ASTN2: variants seen among roughly 807,000 people sequenced by gnomAD.
ASTN2 encodes the protein astrotactin-2.
Under a neutral mutation model 139.8 loss-of-function variants are expected in ASTN2, and 54 were observed. The observed-to-expected ratio is 0.39, with a 90% CI of 0.31 to 0.48. The LOEUF (loss-of-function observed/expected upper bound fraction) is 0.48. ASTN2 is among the 20% of genes least tolerant of loss of function. The pLI is 0.95. For synonymous variants in ASTN2, 756 were observed against 719.5 expected (o/e 1.05, Z -0.81); for missense variants, 1,565 against 1,725.1 (o/e 0.91, Z 1.64).
intron 19 of ASTN2, among the ~76,000 whole-genome samples, chr9:116,576,787 G>C (rs1322804894): frequency 6.6e-6 from 1 of 152,100 alleles, no homozygotes; most frequent in African/African-American, 2.4e-5. Flanking sequence ...GTTCTGGCTT[G>C]ATCCCATAAT....
At chr9:116,691,913 G>C (rs1860587754) in intron 16 of ASTN2, among the ~76,000 whole-genome samples, 1 of 152,182 alleles carries the variant, frequency 6.6e-6, no homozygotes, top group Non-Finnish European at 1.5e-5. Flanking sequence ...GTCAAACCAG[G>C]GGAGCGTGTC....
chr9:116,704,228 T>G (rs910306956), intron 16 of ASTN2, among the ~76,000 whole-genome samples: 2 of 152,226 alleles, frequency 1.3e-5, no homozygotes, highest in Non-Finnish European at 2.9e-5. Context: ...CCCTTCTAGC[T>G]CTAAGATTTT....
Position 117,379,522 on chromosome 9 carries a change from C to T in ASTN2, c.442+34975G>A, listed in dbSNP as rs902084764. 7.2e-5 allele frequency among the ~76,000 whole-genome samples: 11 copies of T among 152,262 alleles called. No individual in the cohort carries two copies. In the East Asian group the frequency reaches 1.2e-3, roughly 16 times the overall value. The stretch of plus-strand genomic sequence containing the variant: ...CCCTTAATCCTTCCAGTTAAGCCTT[C>T]GAAGGCCTCCATTAGCAGTGTAAAT... On this transcript the variant is annotated intron_variant, in intron 1 of 22. Coordinates refer to ENST00000313400, the MANE Select transcript of ASTN2 (RefSeq NM_001365068.1).
At chr9:117,040,078 G>A in intron 5 of ASTN2, 113 bp from the exon 6 acceptor site, 3 of 1,266,016 alleles carry the variant, frequency 2.4e-6, no homozygotes, top group Admixed American at 2.9e-5. Context: ...AAAAAGAAAA[G>A]AAAAGAAAAA....
chr9:116,573,861 A>T (rs1853620431), intron 19 of ASTN2, among the ~76,000 whole-genome samples: 1 of 152,232 alleles, frequency 6.6e-6, no homozygotes, highest in South Asian at 2.1e-4. Context: ...TCCTGTGAGT[A>T]TGATTTTATA....
At chr9:116,437,474 C>T (rs1847694473) in intron 22 of ASTN2, 1 of 471,312 alleles carries the variant, frequency 2.1e-6, no homozygotes. Context: ...GACTGCCTGA[C>T]TAGGGGTTAG....
At chr9:117,351,279 C>T (rs572892832) in intron 1 of ASTN2, among the ~76,000 whole-genome samples, 26 of 152,302 alleles carry the variant, frequency 1.7e-4, no homozygotes, top group Middle Eastern at 3.4e-3. Flanking sequence ...AAAATTCAAA[C>T]GTCTAAGCAT....
At chr9:116,444,884 C>T (rs1281137252) in intron 20 of ASTN2, among the ~76,000 whole-genome samples, 1 of 152,140 alleles carries the variant, frequency 6.6e-6, no homozygotes, top group Non-Finnish European at 1.5e-5. Context: ...GGTAAGTTAT[C>T]ATTGGAAAGC....
At chr9:116,640,072 TTAATA>T (rs1177244938) in intron 17 of ASTN2, among the ~76,000 whole-genome samples, 14 of 152,140 alleles carry the variant, frequency 9.2e-5, no homozygotes, top group African/African-American at 3.4e-4. Flanking sequence ...ATATTTTGAC[TTAATA>T]TAAGAAAGGA....
chr9:116,442,377 T>A (rs1847865925), intron 21 of ASTN2, 76 bp downstream of exon 21: 2 of 1,134,844 alleles, frequency 1.8e-6, no homozygotes, highest in African/African-American at 1.5e-5. Context: ...GTGTGTTTAA[T>A]GATTAGTGAC....
chr9:116,955,325 G>A (rs1281807477), intron 10 of ASTN2, among the ~76,000 whole-genome samples: 2 of 152,222 alleles, frequency 1.3e-5, no homozygotes, highest in African/African-American at 2.4e-5. Flanking sequence ...TTATGATGAA[G>A]AGAAGTCCTC....
chr9:116,852,922 TAAGATCAAGCTAGG>T (rs1355791411), intron 11 of ASTN2, among the ~76,000 whole-genome samples: 1 of 100,940 alleles, frequency 9.9e-6, no homozygotes, highest in African/African-American at 4.9e-5. Flanking sequence ...CACACACGGT[TAAGATCAAGCTAGG>T]AAGTCAGTTG....
At chr9:117,337,826 A>C (rs1465209504) in intron 1 of ASTN2, among the ~76,000 whole-genome samples, 1 of 152,136 alleles carries the variant, frequency 6.6e-6, no homozygotes, top group Non-Finnish European at 1.5e-5. Flanking sequence ...CAACTGACCT[A>C]ATATCCAAGG....
At chr9:117,185,446 T>TA (rs2132954505) in intron 3 of ASTN2, among the ~76,000 whole-genome samples, 1 of 152,248 alleles carries the variant, frequency 6.6e-6, no homozygotes, top group South Asian at 2.1e-4. Flanking sequence ...CGTGCTTTAG[T>TA]AAAAAGGAGC....
At chr9:116,632,209 G>A (rs867163918) in intron 17 of ASTN2, among the ~76,000 whole-genome samples, 2 of 61,876 alleles carry the variant, frequency 3.2e-5, no homozygotes, top group East Asian at 7.4e-4. Context: ...AGAAAGAAAA[G>A]AAAGAAAGAA....
intron 16 of ASTN2, among the ~76,000 whole-genome samples, chr9:116,720,471 C>T (rs760169343): frequency 2.0e-5 from 3 of 152,152 alleles, no homozygotes; most frequent in East Asian, 1.9e-4. Flanking sequence ...CTTCTAGCCT[C>T]TCTTTATCTC....
At chr9:117,046,121 C>T (rs1262075729) in intron 5 of ASTN2, among the ~76,000 whole-genome samples, 1 of 152,090 alleles carries the variant, frequency 6.6e-6, no homozygotes, top group Admixed American at 6.5e-5. Flanking sequence ...CTGTCTCAGC[C>T]TCCCAAGTGG....
intron 1 of ASTN2, among the ~76,000 whole-genome samples, chr9:117,309,869 T>C (rs1020245478): frequency 1.4e-4 from 22 of 152,254 alleles, no homozygotes; most frequent in African/African-American, 4.6e-4. Flanking sequence ...GGGCCTAGCA[T>C]TTAGAAAGGT....
chr9:116,706,254 T>C (rs1203306328), intron 16 of ASTN2, among the ~76,000 whole-genome samples: 1 of 152,226 alleles, frequency 6.6e-6, no homozygotes, highest in Admixed American at 6.5e-5. Flanking sequence ...CTCAGAAGCC[T>C]ACGCCAAATA....
Sources: allele counts gnomAD v4.1 joint callset (sites outside exome capture counted in the v4.1 genomes callset), GRCh38; gene constraint gnomAD v4.1.1; transcripts MANE v1.5; gene names NCBI Gene and HGNC (gene_info 2026-07-23, HGNC 2026-07-21).